The following ACOXL variants were observed in gnomAD, a reference collection of about 807,000 sequenced individuals.
The protein encoded by ACOXL is acyl-CoA oxidase like.
Under a neutral mutation model 71.9 loss-of-function variants are expected in ACOXL, and 70 were observed. That is an observed-to-expected ratio of 0.97 (90% CI 0.80 to 1.19). ACOXL has a LOEUF of 1.19. Among genes scored for constraint, ACOXL ranks in the 50% most tolerant of loss-of-function variants. The pLI, the probability that ACOXL is intolerant of heterozygous loss-of-function variation, is 0.00. For missense variants in ACOXL, 703 were observed against 736.3 expected (o/e 0.95, Z 0.52); for synonymous variants, 253 against 281.6 (o/e 0.90, Z 1.02).
intron 15 of ACOXL, among the ~76,000 whole-genome samples, chr2:111,041,508 G>T (rs1381685438): frequency 6.6e-6 from 1 of 152,152 alleles, no homozygotes; most frequent in Non-Finnish European, 1.5e-5. Context: ...TCTGCAGGTG[G>T]GACAGAGCCG....
intron 10 of ACOXL, among the ~76,000 whole-genome samples, chr2:110,860,465 C>G (rs568905822): frequency 1.3e-5 from 2 of 152,222 alleles, no homozygotes; most frequent in South Asian, 4.2e-4. Flanking sequence ...GGAAAAGGCT[C>G]CACCGCAGCT....
chr2:110,786,035 C>T (rs368850973), intron 3 of ACOXL, among the ~76,000 whole-genome samples: 5 of 152,162 alleles, frequency 3.3e-5, no homozygotes, highest in South Asian at 2.1e-4. Context: ...CCAAGGAAGG[C>T]GAACAAAATA....
chr2:111,039,185 T>G (rs1391389919), intron 15 of ACOXL, among the ~76,000 whole-genome samples: 2 of 152,256 alleles, frequency 1.3e-5, no homozygotes, highest in African/African-American at 4.8e-5. Context: ...TGCATCTGTT[T>G]ATCTTTTGTG....
chr2:111,065,918 T>C (rs1004837647), intron 16 of ACOXL, among the ~76,000 whole-genome samples: 1 of 152,184 alleles, frequency 6.6e-6, no homozygotes, highest in African/African-American at 2.4e-5. Context: ...CATTCATACA[T>C]TGCTGGTGGG....
intron 1 of ACOXL, among the ~76,000 whole-genome samples, chr2:110,744,169 C>T (rs1677895435): frequency 6.6e-6 from 1 of 151,044 alleles, no homozygotes; most frequent in Admixed American, 6.6e-5. Context: ...GGAAAGAGTG[C>T]AAGAGAGCAC....
intron 12 of ACOXL, among the ~76,000 whole-genome samples, chr2:110,975,956 C>T (rs1485621710): frequency 6.6e-6 from 1 of 151,976 alleles, no homozygotes; most frequent in Non-Finnish European, 1.5e-5. Flanking sequence ...CTAAAATCTA[C>T]AACATTTCCA....
chr2:110,868,089 G>A (rs1307175224), intron 10 of ACOXL, among the ~76,000 whole-genome samples: 1 of 152,192 alleles, frequency 6.6e-6, no homozygotes. Context: ...TAGAAATGCA[G>A]GGGAACTGAT....
At chr2:110,944,605 T>C (rs2149383782) in intron 12 of ACOXL, among the ~76,000 whole-genome samples, 1 of 152,300 alleles carries the variant, frequency 6.6e-6, no homozygotes, top group South Asian at 2.1e-4. Context: ...TATTTGGTTT[T>C]CTGTTTCTGT....
intron 10 of ACOXL, among the ~76,000 whole-genome samples, chr2:110,875,043 T>C (rs1695737881): frequency 6.6e-6 from 1 of 152,102 alleles, no homozygotes; most frequent in African/African-American, 2.4e-5. Flanking sequence ...GCACTGACAC[T>C]AGCTTGCCAC....
chr2:111,019,456 C>T (rs892836152), intron 14 of ACOXL, among the ~76,000 whole-genome samples: 2 of 152,182 alleles, frequency 1.3e-5, no homozygotes, highest in Non-Finnish European at 2.9e-5. Flanking sequence ...CCGGACTCTT[C>T]ATTTGACACA....
chr2:111,044,581 G>C (rs1166423528), intron 15 of ACOXL, among the ~76,000 whole-genome samples: 1 of 152,216 alleles, frequency 6.6e-6, no homozygotes, highest in South Asian at 2.1e-4. Flanking sequence ...AGGGTCAACT[G>C]TACCTGCTAA....
intron 1 of ACOXL, among the ~76,000 whole-genome samples, chr2:110,748,777 T>C (rs1678559720): frequency 6.6e-6 from 1 of 152,218 alleles, no homozygotes; most frequent in Non-Finnish European, 1.5e-5. Context: ...TTCTTTGCTC[T>C]CCGCCTTTGG....
intron 15 of ACOXL, among the ~76,000 whole-genome samples, chr2:111,040,542 C>T (rs1339551565): frequency 1.3e-5 from 2 of 152,102 alleles, no homozygotes; most frequent in Non-Finnish European, 2.9e-5. Flanking sequence ...ATGAAACAGC[C>T]CCTGCTCCCA....
chr2:110,803,985 C>CTTTTT (rs1177385627), intron 8 of ACOXL, among the ~76,000 whole-genome samples: 1 of 132,258 alleles, frequency 7.6e-6, no homozygotes, highest in Non-Finnish European at 1.6e-5. Flanking sequence ...ACTAGGATGT[C>CTTTTT]TTTTTTTTTT....
chr2:110,736,329 A>G (rs1462146562), intron 1 of ACOXL, among the ~76,000 whole-genome samples: 1 of 152,174 alleles, frequency 6.6e-6, no homozygotes, highest in Non-Finnish European at 1.5e-5. Flanking sequence ...GTCCAGCTCC[A>G]AAACATTTCA....
chr2:110,874,943 T>TA (rs1247809454), intron 10 of ACOXL, among the ~76,000 whole-genome samples: 2 of 152,128 alleles, frequency 1.3e-5, no homozygotes, highest in Admixed American at 1.3e-4. Flanking sequence ...TCTCCTGTGT[T>TA]ATCTGGGAGC....
intron 2 of ACOXL, among the ~76,000 whole-genome samples, chr2:110,771,904 G>A (rs1305547479): frequency 6.6e-6 from 1 of 152,168 alleles, no homozygotes; most frequent in Non-Finnish European, 1.5e-5. Flanking sequence ...TCTACTTTGT[G>A]GCAGTGTCTT....
At chr2:110,796,642 C>T (rs570606174) in intron 5 of ACOXL, among the ~76,000 whole-genome samples, 23 of 152,298 alleles carry the variant, frequency 1.5e-4, no homozygotes, top group African/African-American at 4.6e-4. Flanking sequence ...TGTAAGCATG[C>T]GCCCACCCAC....
chr2:110,818,417 A>ATGTGTGTGTGTGTG (rs1405102852), intron 9 of ACOXL, among the ~76,000 whole-genome samples: 13 of 139,296 alleles, frequency 9.3e-5, no homozygotes, highest in African/African-American at 3.7e-4. Flanking sequence ...AAACATATAT[A>ATGTGTGTGTGTGTG]TATATATGTG....
Sources: gnomAD v4.1 joint callset for allele counts (sites outside exome capture counted in the v4.1 genomes callset) on GRCh38, gnomAD v4.1.1 for gene constraint, MANE v1.5 for transcripts, NCBI Gene and HGNC (gene_info 2026-07-23, HGNC 2026-07-21) for gene names.